IL19: variants seen among roughly 807,000 people sequenced by gnomAD.
IL19 encodes the protein interleukin 19.
IL19 carries 15 observed loss-of-function variants against 19.5 expected under a neutral mutation model. The ratio of observed to expected loss-of-function variants is 0.77; its 90% CI spans 0.52 to 1.19. The LOEUF (loss-of-function observed/expected upper bound fraction) is 1.19, where lower values mean the gene tolerates loss of function less well. IL19 is among the 50% of genes most tolerant of loss of function. The pLI is 0.00. For missense variants in IL19, 199 were observed against 213.1 expected (o/e 0.93, Z 0.41); for synonymous variants, 78 against 78.3 (o/e 1.00, Z 0.02).
intron 1 of IL19, 134 bp from the exon 2 acceptor site, chr1:206,798,727 C>G (rs4845141): frequency 1.8e-6 from 1 of 559,672 alleles, no homozygotes; most frequent in Non-Finnish European, 3.1e-6. Context: ...GGGTGTGATT[C>G]GGTTCAGAGT....
chr1:206,783,993 T>C (rs1488191732), intron 1 of IL19, among the ~76,000 whole-genome samples: 1 of 152,206 alleles, frequency 6.6e-6, no homozygotes, highest in African/African-American at 2.4e-5. Flanking sequence ...TTGGGAATAC[T>C]CAGCTGCTAA....
chr1:206,800,012 A>G (rs1051284796), intron 2 of IL19, among the ~76,000 whole-genome samples: 4 of 152,240 alleles, frequency 2.6e-5, no homozygotes, highest in African/African-American at 7.2e-5. Flanking sequence ...ACAAAAAAAG[A>G]TATATTTAAT....
chr1:206,818,707 C>T (rs1482670024), intron 2 of IL19, among the ~76,000 whole-genome samples: 3 of 152,102 alleles, frequency 2.0e-5, no homozygotes, highest in Non-Finnish European at 4.4e-5. Context: ...AAAAGTCAGC[C>T]CATTTAGAAG....
rs79991226 is a variant in IL19 at position 206,830,460 on chromosome 1, G to T, written c.-2-6201G>T. The stretch of plus-strand genomic sequence containing the variant: ...GTTTTATTTTCAAAGCTATACAGAA[G>T]TTCACACATATCATTATGATCTAGA... On this transcript the variant is annotated intron_variant, in intron 2 of 6. Transcript: ENST00000659997. Among the ~76,000 whole-genome samples, 313 of 151,690 alleles carry T rather than the reference G, an allele frequency of 2.1e-3. 7 individuals are homozygous for T. In the East Asian group the frequency reaches 0.056, roughly 27 times the overall value.
rs79420253 is a variant in IL19, at chr1:206,782,305, C to T, written c.-149+11227C>T. On this transcript the variant is annotated intron_variant, in intron 1 of 6. Coordinates refer to ENST00000659997, the MANE Select transcript of IL19 (RefSeq NM_153758.5). The stretch of plus-strand genomic sequence containing the variant: ...TAGAAGCAGGATCCTCACAACTGCT[C>T]TTACATGCGGTCTGTTGTAATATGC... Among the ~76,000 whole-genome samples the T allele has an allele frequency of 9.0e-3, 1,375 of 152,160 alleles. 17 individuals are homozygous for T. The highest frequency in any genetic ancestry group is 0.032 in the African/African-American group (1,325 of 41,490).
At chr1:206,802,479 G>A (rs1225904142) in intron 2 of IL19, among the ~76,000 whole-genome samples, 1 of 152,004 alleles carries the variant, frequency 6.6e-6, no homozygotes, top group African/African-American at 2.4e-5. Context: ...TTACAGATAA[G>A]GAAACTAAAT....
chr1:206,803,883 T>A (rs1362735112), intron 2 of IL19, among the ~76,000 whole-genome samples: 1 of 152,226 alleles, frequency 6.6e-6, no homozygotes, highest in Non-Finnish European at 1.5e-5. Context: ...TCTGGGACTC[T>A]GTGCAAAGCC....
Position 206,770,996 on chromosome 1 carries a change from G to A in IL19, c.-231G>A. 1 of 1,614,102 alleles carries A rather than the reference G, an allele frequency of 6.2e-7. No individual in the cohort carries two copies. ...ATGTCTGGGTCTTGGTTCTCAGCTT[G>A]GGGCATCACCTCCTCCAGGTAAAAC... On this transcript the variant is annotated 5_prime_UTR_variant, in exon 1 of 7. The change creates a premature stop within an existing upstream ORF in the 5' untranslated region. Coordinates refer to ENST00000659997, the MANE Select transcript of IL19 (RefSeq NM_153758.5).
At chr1:206,788,577 A>G (rs755989596) in intron 1 of IL19, among the ~76,000 whole-genome samples, 22 of 151,718 alleles carry the variant, frequency 1.5e-4, no homozygotes, top group Non-Finnish European at 2.8e-4. Flanking sequence ...TTTTGGTTAC[A>G]TGGATGAACT....
chr1:206,814,300 T>G (rs1046464855), intron 2 of IL19, among the ~76,000 whole-genome samples: 1 of 151,826 alleles, frequency 6.6e-6, no homozygotes, highest in Non-Finnish European at 1.5e-5. Flanking sequence ...GCAGAGAATA[T>G]GCCAAACCCA....
At chr1:206,806,220 G>A (rs974240885) in intron 2 of IL19, among the ~76,000 whole-genome samples, 1 of 152,116 alleles carries the variant, frequency 6.6e-6, no homozygotes, top group Admixed American at 6.5e-5. Context: ...TGAGAGGATG[G>A]GTCAGCTTTA....
chr1:206,812,035 T>A (rs1676027617), intron 2 of IL19, among the ~76,000 whole-genome samples: 1 of 152,194 alleles, frequency 6.6e-6, no homozygotes, highest in South Asian at 2.1e-4. Context: ...CATATGCTAA[T>A]CCCCAGAAGC....
chr1:206,838,073 G>T (rs1676860833), intron 4 of IL19, among the ~76,000 whole-genome samples: 1 of 152,222 alleles, frequency 6.6e-6, no homozygotes, highest in Non-Finnish European at 1.5e-5. Flanking sequence ...AGATTTTTGA[G>T]CCCAAAGTTA....
chr1:206,825,007 C>G (rs913491587), intron 2 of IL19, among the ~76,000 whole-genome samples: 4 of 152,198 alleles, frequency 2.6e-5, no homozygotes, highest in Non-Finnish European at 4.4e-5. Flanking sequence ...CTGTCCACCT[C>G]GGCCTCCCAA....
chr1:206,796,787 A>C (rs762971929), intron 1 of IL19, among the ~76,000 whole-genome samples: 1 of 152,190 alleles, frequency 6.6e-6, no homozygotes, highest in Non-Finnish European at 1.5e-5. Flanking sequence ...CTCCCAGAAC[A>C]TATCCCCACC....
chr1:206,777,275 T>G lies in IL19; in HGVS notation c.-149+6197T>G, dbSNP rs1402971231. 1.0e-4 allele frequency among the ~76,000 whole-genome samples: 11 copies of G among 105,128 alleles called. 4 individuals carry two copies. The highest frequency in any genetic ancestry group is 2.4e-4 in the Admixed American group (2 of 8,486). The allele number at this position is 105,128 out of a possible 152,430, so 69.0% of individuals were successfully genotyped here. A position where few individuals can be genotyped will look rare whatever the true frequency, so the allele number is the denominator to read the frequency against. ...AAAAAAATTTAGCTAGGTGTGGTGG[T>G]TGGCGCCTGTAGTCCCAGCTACTTG... On this transcript the variant is annotated intron_variant, in intron 1 of 6. Coordinates refer to ENST00000659997, the MANE Select transcript of IL19 (RefSeq NM_153758.5).
chr1:206,780,411 A>G (rs1469370125), intron 1 of IL19, among the ~76,000 whole-genome samples: 2 of 152,244 alleles, frequency 1.3e-5, no homozygotes, highest in African/African-American at 4.8e-5. Flanking sequence ...CTACATGGCT[A>G]TATGTCTGTT....
intron 1 of IL19, among the ~76,000 whole-genome samples, chr1:206,787,842 C>G (rs571931134): frequency 6.6e-6 from 1 of 152,118 alleles, no homozygotes; most frequent in African/African-American, 2.4e-5. Flanking sequence ...TTTCTCCTCT[C>G]CAGCCATGCC....
chr1:206,780,731 C>T (rs1195699411), intron 1 of IL19, among the ~76,000 whole-genome samples: 6 of 152,186 alleles, frequency 3.9e-5, no homozygotes, highest in Non-Finnish European at 8.8e-5. Flanking sequence ...AAGGTAGAAT[C>T]TGAATGCAAT....
Sources: gnomAD v4.1 joint callset for allele counts (sites outside exome capture counted in the v4.1 genomes callset) on GRCh38, gnomAD v4.1.1 for gene constraint, MANE v1.5 for transcripts, NCBI Gene and HGNC (gene_info 2026-07-23, HGNC 2026-07-21) for gene names.